Variants in SMARCA4 observed in about 807,000 individuals in gnomAD.
SMARCA4 encodes SWI/SNF related BAF chromatin remodeling complex subunit ATPase 4.
SMARCA4 carries 31 observed loss-of-function variants against 193.9 expected under a neutral mutation model. The ratio of observed to expected loss-of-function variants is 0.16; its 90% CI spans 0.12 to 0.22. SMARCA4 has a LOEUF of 0.22. Among genes scored for constraint, SMARCA4 ranks in the 10% least tolerant of loss-of-function variants. SMARCA4 has a pLI of 1.00. For missense variants in SMARCA4, 1,148 were observed against 2,296.0 expected, an observed-to-expected ratio of 0.50 and a Z score of 10.22; for synonymous variants, 942 against 933.1, an observed-to-expected ratio of 1.01 and a Z score of -0.17.
chr19:11,045,193 G>A (rs559975895), intron 30 of SMARCA4, among the ~76,000 whole-genome samples: 3 of 152,268 alleles, frequency 2.0e-5, no homozygotes, highest in South Asian at 2.1e-4. Context: ...GGTGGTGGGC[G>A]CCTGTAGTCC....
rs569820537 is a variant in SMARCA4, at chr19:11,034,802, C to T, written c.3952-112C>T. 2.5e-5 allele frequency: 19 copies of T among 755,534 alleles called. No individual in the cohort carries two copies. The highest frequency in any genetic ancestry group is 5.9e-5 in the South Asian group (4 of 67,772). The allele number at this position is 755,534 out of a possible 1,614,324, so 46.8% of individuals were successfully genotyped here. A position where few individuals can be genotyped will look rare whatever the true frequency, so the allele number is the denominator to read the frequency against. Reference sequence around the variant, plus strand: ...AGCTACTGTTTAACTCTCGCAGCAGCGTGGAGCCCCACGGGCAGAGAAAGG... The same window carrying T: ...AGCTACTGTTTAACTCTCGCAGCAGTGTGGAGCCCCACGGGCAGAGAAAGG... On this transcript the variant is annotated intron_variant, in intron 28 of 34. Coordinates refer to ENST00000344626, the MANE Select transcript of SMARCA4 (RefSeq NM_003072.5). The surrounding 1 kb of genome is among the most constrained non-coding windows in gnomAD (Gnocchi z 7.0).
intron 1 of SMARCA4, chr19:10,965,438 T>C (rs1247555862): frequency 6.6e-6 from 1 of 152,268 alleles, no homozygotes; most frequent in Non-Finnish European, 1.5e-5. Context: ...CCTGGTGGGA[T>C]GACACAGATA....
intron 19 of SMARCA4, among the ~76,000 whole-genome samples, chr19:11,022,217 G>A (rs2089928132): frequency 6.6e-6 from 1 of 152,228 alleles, no homozygotes; most frequent in African/African-American, 2.4e-5. Flanking sequence ...TATGCTCCAG[G>A]TGCAGAGTGG....
In SMARCA4 at chr19:10,994,910, C is replaced by G. The variant is rs2145939893; in HGVS notation, c.1502C>G (p.Thr501Ser). ...GTCACAGGCAAAATCCAGAAGCTGA[C>G]CAAGGCAGTGGCCACGTACCATGCC... ...RSVTGKIQKL[T>S]KAVATYHANT... is the part of the protein sequence containing the mutation. The change falls in exon 9 of 35, where the codon ACC becomes AGC. Residue 501 changes from threonine (T) to serine (S), a missense_variant. Physicochemically the swap from Thr to Ser is moderately conservative, Grantham distance 58. This residue lies in a region of SMARCA4 where 69 missense variants were observed against 186.9 expected (regional missense o/e 0.37). Coordinates refer to ENST00000344626, the MANE Select transcript of SMARCA4 (RefSeq NM_003072.5). The G allele has an allele frequency of 5.6e-6, 9 of 1,614,098 alleles. No individual in the cohort carries two copies. Among genetic ancestry groups the G allele is most frequent in the Non-Finnish European group, 7.6e-6 (9 of 1,179,964 alleles).
At chr19:11,057,116 C>G (rs376319287) in intron 30 of SMARCA4, among the ~76,000 whole-genome samples, 1 of 152,234 alleles carries the variant, frequency 6.6e-6, no homozygotes, top group Non-Finnish European at 1.5e-5. Context: ...AGGCTTCGTC[C>G]GCCTGGTGGC....
In SMARCA4 at chr19:10,987,778, C is replaced by T. The variant is rs369239429; in HGVS notation, c.972C>T (p.Pro324=). 8.2e-5 allele frequency: 131 copies of T among 1,599,690 alleles called. No individual in the cohort carries two copies. The highest frequency in any genetic ancestry group is 7.1e-4 in the African/African-American group (53 of 74,690). The stretch of plus-strand genomic sequence containing the variant: ...CTGCCGTCCCACCCGCCGCCTCGCC[C>T]GTGATGCCACCGCAGACCCAGTCCC... ...APPAVPPAAS[P]VMPPQTQSPG... The change falls in exon 6 of 35, where the codon CCC becomes CCT. Residue 324 remains proline (P), a synonymous_variant. Transcript: ENST00000344626. This position sits in a 1 kb window ranked among gnomAD's most constrained non-coding sequence, Gnocchi z 5.3.
chr19:10,984,429 G>A lies in SMARCA4; in HGVS notation c.222+56G>A, dbSNP rs1647419842. The A allele has an allele frequency of 2.6e-6, 4 of 1,550,212 alleles. No homozygotes were observed. The highest frequency in any genetic ancestry group is 3.5e-6 in the Non-Finnish European group (4 of 1,147,268). On this transcript the variant is annotated intron_variant, in intron 2 of 34. Coordinates refer to ENST00000344626, the MANE Select transcript of SMARCA4 (RefSeq NM_003072.5). This position sits in a 1 kb window ranked among gnomAD's most constrained non-coding sequence, Gnocchi z 4.3. Reference sequence around the variant, plus strand: ...CGGCCTCTGCCCACTAGGGCTGCAGGCAGCCTCTGGACCGAGGGCCTTACT... The same window carrying A: ...CGGCCTCTGCCCACTAGGGCTGCAGACAGCCTCTGGACCGAGGGCCTTACT...
chr19:10,993,755 T>C (rs1365082415), intron 8 of SMARCA4, among the ~76,000 whole-genome samples: 3 of 151,774 alleles, frequency 2.0e-5, no homozygotes, highest in Non-Finnish European at 2.9e-5. Flanking sequence ...ATGCCATTCT[T>C]CTGCCTCGGC....
At chr19:10,992,420 ATTT>A (rs927402603) in intron 8 of SMARCA4, among the ~76,000 whole-genome samples, 200 of 118,540 alleles carry the variant, frequency 1.7e-3, no homozygotes, top group Middle Eastern at 5.4e-3. Context: ...CCTGGCCAAC[ATTT>A]TTTTTTTTTT....
At position 10,989,299 on chromosome 19, in the gene SMARCA4, C is replaced by T. The variant is rs1403056424; in HGVS notation, c.1119-18C>T. The T allele has an allele frequency of 6.2e-7, 1 of 1,613,748 alleles. No individual in the cohort carries two copies. The highest frequency in any genetic ancestry group is 8.5e-7 in the Non-Finnish European group (1 of 1,179,850). On this transcript the variant is annotated intron_variant, in intron 6 of 34. Coordinates refer to ENST00000344626, the MANE Select transcript of SMARCA4 (RefSeq NM_003072.5). ...TGGCAACCCTCTCACCGCCTTTGCT[C>T]CTTGTCTCTGCTCCCAGGCTGCAGG... is the stretch of plus-strand genomic sequence containing the variant.
intron 1 of SMARCA4, among the ~76,000 whole-genome samples, chr19:10,972,475 T>A (rs1008175541): frequency 5.3e-5 from 8 of 152,040 alleles, no homozygotes; most frequent in Non-Finnish European, 1.5e-5. Context: ...TTTCTGTCAC[T>A]CTGCTGTCCA....
chr19:10,963,080 G>T (rs1015571037), intron 1 of SMARCA4, among the ~76,000 whole-genome samples: 1 of 152,038 alleles, frequency 6.6e-6, no homozygotes, highest in Non-Finnish European at 1.5e-5. Context: ...TGTGTAAAAG[G>T]CTTGGTGCAG....
At chr19:10,983,881 G>T (rs914113921) in intron 1 of SMARCA4, among the ~76,000 whole-genome samples, 10 of 152,214 alleles carry the variant, frequency 6.6e-5, no homozygotes, top group African/African-American at 2.4e-4. Flanking sequence ...CCCCTGTGGG[G>T]CAGTGCTTGT....
At chr19:10,973,034 G>C (rs148193426) in intron 1 of SMARCA4, among the ~76,000 whole-genome samples, 3 of 152,162 alleles carry the variant, frequency 2.0e-5, no homozygotes, top group African/African-American at 7.2e-5. Context: ...GCTTGAACCC[G>C]GGAGGCCGAG....
At chr19:11,021,188 C>A (rs999607216) in intron 18 of SMARCA4, 48 of 228,914 alleles carry the variant, frequency 2.1e-4, no homozygotes, top group African/African-American at 1.1e-3. Flanking sequence ...TGTAATCACC[C>A]TGCAGTGGGA....
chr19:10,968,404 G>A (rs779287097), intron 1 of SMARCA4, among the ~76,000 whole-genome samples: 3 of 152,174 alleles, frequency 2.0e-5, no homozygotes, highest in Non-Finnish European at 2.9e-5. Flanking sequence ...ACTGTGAACC[G>A]TTTTGCTCTG....
chr19:10,986,511 C>T lies in SMARCA4; in HGVS notation c.678C>T (p.Ser226=), dbSNP rs878854237. Residue 226 remains serine, a synonymous_variant, in exon 4 of 35, where the codon TCC becomes TCT. Coordinates refer to ENST00000344626, the MANE Select transcript of SMARCA4 (RefSeq NM_003072.5). This position sits in a 1 kb window ranked among gnomAD's most constrained non-coding sequence, Gnocchi z 6.7. ...QMPTLPPPSV[S]ATGPGPGPGP... is the part of the protein sequence containing the mutation. ...CAACGCTACCTCCACCCTCGGTGTCCGCAACAGGACCCGGCCCTGGCCCTG... is the reference window on the plus strand; with the variant it reads ...CAACGCTACCTCCACCCTCGGTGTCTGCAACAGGACCCGGCCCTGGCCCTG... 4.2e-5 allele frequency: 65 copies of T among 1,545,268 alleles called. No individual in the cohort carries two copies. The highest frequency in any genetic ancestry group is 1.8e-4 in the African/African-American group (13 of 73,042).
At chr19:10,972,298 G>A (rs2084737306) in intron 1 of SMARCA4, among the ~76,000 whole-genome samples, 1 of 151,806 alleles carries the variant, frequency 6.6e-6, no homozygotes, top group Non-Finnish European at 1.5e-5. Context: ...GTTTCACCAT[G>A]TTGGTCAGGC....
intron 8 of SMARCA4, among the ~76,000 whole-genome samples, chr19:10,993,927 C>A (rs2086779444): frequency 6.6e-6 from 1 of 152,154 alleles, no homozygotes; most frequent in African/African-American, 2.4e-5. Context: ...CAGGCGTGAG[C>A]CACCGCGCCC....
Sources: gnomAD v4.1 joint callset for allele counts (sites outside exome capture counted in the v4.1 genomes callset) on GRCh38, gnomAD v4.1.1 for gene constraint, gnomAD v4.1.1 regional missense constraint, Gnocchi (gnomAD v3.1) non-coding constraint, MANE v1.5 for transcripts, NCBI Gene and HGNC (gene_info 2026-07-23, HGNC 2026-07-21) for gene names.